The following EVI5 variants were observed in gnomAD, a reference collection of about 807,000 sequenced individuals.
EVI5 encodes the protein ecotropic viral integration site 5.
In EVI5, 73 loss-of-function variants were observed where a neutral mutation model predicts 112.0. The observed-to-expected ratio is 0.65, with a 90% CI of 0.54 to 0.79. The LOEUF (loss-of-function observed/expected upper bound fraction) is 0.79, where lower values mean the gene tolerates loss of function less well. Ranked by LOEUF, EVI5 falls within the 30% of genes least tolerant of loss-of-function variation. EVI5 has a pLI of 0.00. For synonymous variants in EVI5, 305 were observed against 319.9 expected (o/e 0.95, Z 0.50); for missense variants, 900 against 968.8 (o/e 0.93, Z 0.94).
At chr1:92,541,769 T>C (rs1429554483) in intron 19 of EVI5, among the ~76,000 whole-genome samples, 1 of 152,250 alleles carries the variant, frequency 6.6e-6, no homozygotes, top group Non-Finnish European at 1.5e-5. Context: ...GCGAGTCACA[T>C]GAATTTTGTT....
chr1:92,547,301 G>A (rs1665898383), intron 19 of EVI5, among the ~76,000 whole-genome samples: 1 of 152,162 alleles, frequency 6.6e-6, no homozygotes, highest in Admixed American at 6.5e-5. Context: ...TGAAACCAAT[G>A]AGAACAAAGA....
intron 13 of EVI5, among the ~76,000 whole-genome samples, chr1:92,661,565 GT>G (rs1006382089): frequency 1.3e-5 from 2 of 151,708 alleles, no homozygotes; most frequent in African/African-American, 4.8e-5. Flanking sequence ...ATCCACAATT[GT>G]TTTTTTCTTT....
chr1:92,521,455 C>T (rs1660914678), intron 19 of EVI5, among the ~76,000 whole-genome samples: 1 of 152,136 alleles, frequency 6.6e-6, no homozygotes, highest in Non-Finnish European at 1.5e-5. Flanking sequence ...CTTTGGGAGG[C>T]CAAGGCGGAT....
At chr1:92,563,028 C>G (rs1007401016) in intron 19 of EVI5, among the ~76,000 whole-genome samples, 4 of 152,066 alleles carry the variant, frequency 2.6e-5, no homozygotes, top group African/African-American at 9.7e-5. Context: ...AAATTGACCT[C>G]GAGCCACATT....
At chr1:92,598,579 AATTG>A (rs1385548984) in intron 18 of EVI5, among the ~76,000 whole-genome samples, 1 of 152,166 alleles carries the variant, frequency 6.6e-6, no homozygotes, top group African/African-American at 2.4e-5. Flanking sequence ...GGTAACTCAG[AATTG>A]TCAAAAAATA....
Position 92,513,178 on chromosome 1 carries a change from A to C in EVI5, c.*478T>G, listed in dbSNP as rs1659304289. 1 of 148,366 alleles carries C rather than the reference A, an allele frequency of 6.7e-6. No individual in the cohort carries two copies. The highest frequency in any genetic ancestry group is 1.5e-5 in the Non-Finnish European group (1 of 66,864). 9.2% of individuals were successfully genotyped at this position (148,366 alleles called of 1,614,324 possible). On this transcript the variant is annotated 3_prime_UTR_variant, in exon 20 of 20. Transcript: ENST00000684568. ...AAAAAACAACAATAAAAAAAAAAAC[A>C]CAAGGTAAATCAGATGTATGTCTTG...
chr1:92,587,944 G>A (rs1673080894), intron 18 of EVI5, among the ~76,000 whole-genome samples: 1 of 152,086 alleles, frequency 6.6e-6, no homozygotes, highest in Non-Finnish European at 1.5e-5. Flanking sequence ...AATACTAGAA[G>A]GCTTGGGTTT....
intron 11 of EVI5, among the ~76,000 whole-genome samples, chr1:92,664,484 T>TAA (rs766269905): frequency 0.073 from 1,251 of 17,202 alleles, 4 homozygotes; most frequent in Non-Finnish European, 0.092. Flanking sequence ...CTCCAAAGAT[T>TAA]TAAAAAAAAA....
intron 13 of EVI5, among the ~76,000 whole-genome samples, chr1:92,637,002 T>C (rs1658982299): frequency 1.3e-5 from 2 of 152,152 alleles, no homozygotes; most frequent in South Asian, 4.1e-4. Context: ...GAAAAATATA[T>C]TTTAATCTAA....
intron 1 of EVI5, among the ~76,000 whole-genome samples, chr1:92,758,048 A>T (rs1681225447): frequency 6.6e-6 from 1 of 152,210 alleles, no homozygotes; most frequent in Non-Finnish European, 1.5e-5. Context: ...CATTAAAAAT[A>T]ACATGGTTCC....
Position 92,662,617 on chromosome 1 carries a change from A to T in EVI5, c.1392+102T>A, listed in dbSNP as rs1664213081. The T allele has an allele frequency of 3.9e-5, 31 of 797,986 alleles. 1 individual carries two copies. In the South Asian group the frequency reaches 9.4e-4, roughly 24 times the overall value. The allele number at this position is 797,986 out of a possible 1,614,324, so 49.4% of individuals were successfully genotyped here. A position where few individuals can be genotyped will look rare whatever the true frequency, so the allele number is the denominator to read the frequency against. On this transcript the variant is annotated intron_variant, in intron 13 of 19. Coordinates refer to ENST00000684568, the MANE Select transcript of EVI5 (RefSeq NM_001350197.2). The stretch of plus-strand genomic sequence containing the variant: ...ATTTAAAAGTTCAAAGTCTAAAACA[A>T]AATTATTTAAAACAACAGCACAAAA...
At chr1:92,677,435 A>G (rs1320387982) in intron 9 of EVI5, among the ~76,000 whole-genome samples, 1 of 152,200 alleles carries the variant, frequency 6.6e-6, no homozygotes, top group Non-Finnish European at 1.5e-5. Flanking sequence ...ACCACACAAA[A>G]AGAAAATTTA....
chr1:92,562,143 C>T (rs940565838), intron 19 of EVI5, among the ~76,000 whole-genome samples: 8 of 152,288 alleles, frequency 5.3e-5, no homozygotes, highest in Non-Finnish European at 1.0e-4. Flanking sequence ...ACCTTTTGAA[C>T]ATAAATAATT....
chr1:92,582,298 T>C (rs919548082), intron 18 of EVI5, among the ~76,000 whole-genome samples: 32 of 152,146 alleles, frequency 2.1e-4, no homozygotes, highest in Non-Finnish European at 2.6e-4. Flanking sequence ...GACTGAAACA[T>C]CATGGGGTGT....
At chr1:92,517,496 A>G (rs1660112845) in intron 19 of EVI5, among the ~76,000 whole-genome samples, 2 of 152,194 alleles carry the variant, frequency 1.3e-5, no homozygotes, top group Non-Finnish European at 2.9e-5. Flanking sequence ...TGAGACAGAA[A>G]AAAGTTGATT....
chr1:92,719,280 CAATGTGAA>C (rs140544365), intron 2 of EVI5, among the ~76,000 whole-genome samples: 2,132 of 152,110 alleles, frequency 0.014, 18 homozygotes, highest in Non-Finnish European at 0.023. Flanking sequence ...TCATGAACAT[CAATGTGAA>C]AATCCTCAAT....
intron 10 of EVI5, among the ~76,000 whole-genome samples, chr1:92,670,793 T>A (rs889267061): frequency 6.6e-6 from 1 of 152,278 alleles, no homozygotes; most frequent in Non-Finnish European, 1.5e-5. Flanking sequence ...CTGAGGCAAT[T>A]AGAAGAGAAT....
intron 1 of EVI5, among the ~76,000 whole-genome samples, chr1:92,775,454 A>G (rs547487559): frequency 6.6e-6 from 1 of 151,728 alleles, no homozygotes; most frequent in African/African-American, 2.4e-5. Flanking sequence ...GGGTGGTCTC[A>G]TGAGATTATA....
chr1:92,792,254 A>G, intron 1 of EVI5: 3 of 832,776 alleles, frequency 3.6e-6, no homozygotes, highest in Admixed American at 4.2e-5. Flanking sequence ...AAATATACAA[A>G]TCCTAACTCA....
Sources: allele counts gnomAD v4.1 joint callset (sites outside exome capture counted in the v4.1 genomes callset), GRCh38; gene constraint gnomAD v4.1.1; transcripts MANE v1.5; gene names NCBI Gene and HGNC (gene_info 2026-07-23, HGNC 2026-07-21).